The following PRDM15 variants were observed in gnomAD, a reference collection of about 807,000 sequenced individuals.
The protein encoded by PRDM15 is PR domain zinc finger protein 15.
A neutral mutation model predicts 128.6 loss-of-function variants in PRDM15; 64 were observed. The observed-to-expected ratio is 0.50, with a 90% CI of 0.41 to 0.61. The LOEUF is 0.61. Ranked by LOEUF, PRDM15 falls within the 20% of genes least tolerant of loss-of-function variation. PRDM15 has a pLI of 0.00. For missense variants in PRDM15, 1,242 were observed against 1,569.1 expected, an observed-to-expected ratio of 0.79 and a Z score of 3.52; for synonymous variants, 615 against 621.8, an observed-to-expected ratio of 0.99 and a Z score of 0.16.
Position 41,810,705 on chromosome 21 carries a change from C to T in PRDM15, c.2476+48G>A. ...CCAGCAGGCACTCAGACAGCCCCGGCAGCCTGCCGCGTGCGCCCCGAAGGC... is the reference window on the plus strand; with the variant it reads ...CCAGCAGGCACTCAGACAGCCCCGGTAGCCTGCCGCGTGCGCCCCGAAGGC... On this transcript the variant is annotated intron_variant, in intron 20 of 23. Coordinates refer to ENST00000398548, the MANE Select transcript of PRDM15 (RefSeq NM_001040424.3). This position sits in a 1 kb window ranked among gnomAD's most constrained non-coding sequence, Gnocchi z 6.4. 1.4e-6 allele frequency: 2 copies of T among 1,479,906 alleles called. No homozygotes were observed. Among genetic ancestry groups the T allele is most frequent in the Non-Finnish European group, 1.9e-6 (2 of 1,062,806 alleles). The allele number at this position is 1,479,906 out of a possible 1,614,324, so 91.7% of individuals were successfully genotyped here.
At chr21:41,803,161 A>T in intron 22 of PRDM15, 1 of 556,430 alleles carries the variant, frequency 1.8e-6, no homozygotes, top group Non-Finnish European at 3.2e-6. Context: ...TAAAAGTTGT[A>T]TTTTATGCTA....
chr21:41,801,663 G>A lies in PRDM15; in HGVS notation c.3003C>T (p.Thr1001=), dbSNP rs151182384. The change falls in exon 24 of 24, where the codon ACC becomes ACT. Residue 1001 remains threonine (T), a synonymous_variant. Transcript: ENST00000398548. Reference sequence around the variant, plus strand: ...TGGTGATGGGGGTCACGGTGATGTTGGTTAAGCCGACTGAGCTCGATGGTG... The same window carrying A: ...TGGTGATGGGGGTCACGGTGATGTTAGTTAAGCCGACTGAGCTCGATGGTG... ...VTTPSSSVGL[T]NITVTPITTA... 3.7e-6 allele frequency: 6 copies of A among 1,614,032 alleles called. No homozygotes were observed. In the African/African-American group the frequency reaches 8.0e-5, roughly 22 times the overall value.
intron 1 of PRDM15, chr21:41,861,988 G>T (rs370696315): frequency 6.2e-7 from 1 of 1,612,992 alleles, no homozygotes; most frequent in South Asian, 1.1e-5. Flanking sequence ...AGCCGCATTC[G>T]GCCTTGCCTG....
intron 1 of PRDM15, among the ~76,000 whole-genome samples, chr21:41,865,847 C>T (rs746310088): frequency 5.3e-5 from 8 of 152,170 alleles, no homozygotes; most frequent in South Asian, 2.1e-4. Context: ...TGACCTCCTG[C>T]GATCCTCCAG....
At chr21:41,820,297 G>A (rs929461820) in intron 16 of PRDM15, 123 bp from the exon 17 acceptor site, 6 of 721,800 alleles carry the variant, frequency 8.3e-6, no homozygotes, top group African/African-American at 1.7e-5. Context: ...GATGATAAAA[G>A]AAGCAGATAT....
chr21:41,843,657 G>A (rs2063141886), intron 6 of PRDM15, among the ~76,000 whole-genome samples: 1 of 152,214 alleles, frequency 6.6e-6, no homozygotes, highest in African/African-American at 2.4e-5. Context: ...TTTCTGGCAT[G>A]GTGAAGGCAT....
At chr21:41,806,060 TCACCATCACCACCACCATCAC>T (rs2061574713) in intron 21 of PRDM15, among the ~76,000 whole-genome samples, 1 of 11,320 alleles carries the variant, frequency 8.8e-5, no homozygotes, top group African/African-American at 4.3e-4. Context: ...ACCACCACCA[TCACCATCACCACCACCATCAC>T]CACCACCACC....
intron 6 of PRDM15, among the ~76,000 whole-genome samples, chr21:41,841,632 G>C (rs1209972797): frequency 6.6e-6 from 1 of 152,074 alleles, no homozygotes; most frequent in Non-Finnish European, 1.5e-5. Context: ...AGGAAAAACA[G>C]AGCAAATTAG....
intron 1 of PRDM15, among the ~76,000 whole-genome samples, chr21:41,869,981 C>T (rs1008897728): frequency 3.9e-5 from 6 of 152,178 alleles, no homozygotes; most frequent in African/African-American, 1.4e-4. Context: ...CCACGCTCGG[C>T]GGAGCCCAGT....
rs756580160 is a variant in PRDM15, at chr21:41,857,245, C to T, written c.216G>A (p.Arg72=). The change falls in exon 4 of 24, where the codon CGG becomes CGA. Residue 72 remains arginine, a synonymous_variant. Coordinates refer to ENST00000398548, the MANE Select transcript of PRDM15 (RefSeq NM_001040424.3). The stretch of plus-strand genomic sequence containing the variant: ...TGGACTCAAAGGGACCGAACTGTGT[C>T]CGCTTGACGAGCTGAGTGATGGCGA... ...GVFAITQLVK[R]TQFGPFESRR... 6.2e-7 allele frequency: 1 copy of T among 1,613,922 alleles called. No individual in the cohort carries two copies. Among genetic ancestry groups the T allele is most frequent in the Admixed American group, 1.7e-5 (1 of 60,016 alleles).
Position 41,815,826 on chromosome 21 carries a change from G to T in PRDM15, c.2271C>A (p.Thr757=). The change falls in exon 19 of 24, where the codon ACC becomes ACA. Residue 757 remains threonine, a synonymous_variant. Coordinates refer to ENST00000398548, the MANE Select transcript of PRDM15 (RefSeq NM_001040424.3). ...TCATGTGGTGGCGCAGCGCGTGCTT[G>T]GTCTTCATGCCTTCAAGGACACAGC... ...LCAECGKGMK[T]KHALRHHMKL... The T allele has an allele frequency of 6.2e-7, 1 of 1,613,520 alleles. No individual in the cohort carries two copies.
chr21:41,866,346 C>T (rs1392506542), intron 1 of PRDM15, among the ~76,000 whole-genome samples: 1 of 152,208 alleles, frequency 6.6e-6, no homozygotes, highest in Admixed American at 6.5e-5. Context: ...TTATTGTTTT[C>T]GATATTTACA....
intron 1 of PRDM15, among the ~76,000 whole-genome samples, chr21:41,874,508 T>C (rs926228550): frequency 1.4e-5 from 1 of 73,664 alleles, no homozygotes; most frequent in African/African-American, 4.2e-5. Flanking sequence ...CATGCATATA[T>C]ATATATATAT....
At position 41,825,986 on chromosome 21, in the gene PRDM15, G is replaced by T; in HGVS notation, c.1603C>A (p.Pro535Thr). 1 of 1,614,000 alleles carries T rather than the reference G, an allele frequency of 6.2e-7. No individual in the cohort carries two copies. The highest frequency in any genetic ancestry group is 1.3e-5 in the African/African-American group (1 of 74,996). The change falls in exon 13 of 24, where the codon CCT (proline) becomes ACT (threonine). Residue 535 changes from proline (P) to threonine (T), a missense_variant. Coordinates refer to ENST00000398548, the MANE Select transcript of PRDM15 (RefSeq NM_001040424.3). ...TTGCCACACACCGGGCACCCGGAAGGCTCCTTCTTGTAACGGACCAGGTTC... is the reference window on the plus strand; with the variant it reads ...TTGCCACACACCGGGCACCCGGAAGTCTCCTTCTTGTAACGGACCAGGTTC... ...GENLVRYKKE[P>T]SGCPVCGKVF...
At chr21:41,823,222 C>T in intron 14 of PRDM15, 96 bp downstream of exon 14, 1 of 1,486,190 alleles carries the variant, frequency 6.7e-7, no homozygotes, top group Non-Finnish European at 9.1e-7. Flanking sequence ...CAGAAGCTGC[C>T]CTGCCCACAG....
At chr21:41,878,561 G>A (rs2064506100) in intron 1 of PRDM15, 1 of 457,962 alleles carries the variant, frequency 2.2e-6, no homozygotes, top group African/African-American at 2.1e-5. Flanking sequence ...CTGAGCGGCC[G>A]GGCACGCCCC....
At position 41,836,131 on chromosome 21, in the gene PRDM15, G is replaced by A; in HGVS notation, c.1260C>T (p.Tyr420=). Residue 420 remains tyrosine, a synonymous_variant, in exon 10 of 24, where the codon TAC becomes TAT. Transcript: ENST00000398548. ...CACCCACCTCGTTCCTGCTGTGCTT[G>A]TAGGAAACGTGCTGCTTTAGGCTCT... is the stretch of plus-strand genomic sequence containing the variant. ...RKESLKQHVS[Y]KHSRNEVDGE... 1 of 1,613,846 alleles carries A rather than the reference G, an allele frequency of 6.2e-7. No individual in the cohort carries two copies. Among genetic ancestry groups the A allele is most frequent in the Non-Finnish European group, 8.5e-7 (1 of 1,179,862 alleles).
intron 4 of PRDM15, among the ~76,000 whole-genome samples, chr21:41,855,105 G>C (rs1413536681): frequency 6.6e-6 from 1 of 152,174 alleles, no homozygotes; most frequent in African/African-American, 2.4e-5. Flanking sequence ...CCCAGGTGCG[G>C]AACTCAAGTT....
chr21:41,801,885 A>G (rs944706236), intron 23 of PRDM15, among the ~76,000 whole-genome samples, 163 bp from the exon 24 acceptor site: 2 of 152,230 alleles, frequency 1.3e-5, no homozygotes, highest in African/African-American at 4.8e-5. Flanking sequence ...CCAGCGAGAA[A>G]CAAAAACAAG....
Sources: gnomAD v4.1 joint callset for allele counts (sites outside exome capture counted in the v4.1 genomes callset) on GRCh38, gnomAD v4.1.1 for gene constraint, Gnocchi (gnomAD v3.1) non-coding constraint, MANE v1.5 for transcripts, NCBI Gene and HGNC (gene_info 2026-07-23, HGNC 2026-07-21) for gene names.